Variants in FBN1 observed in about 807,000 individuals in gnomAD.
The protein encoded by FBN1 is fibrillin-1.
In FBN1, 29 loss-of-function variants were observed where a neutral mutation model predicts 365.1. That is an observed-to-expected ratio of 0.08 (90% CI 0.06 to 0.11). FBN1 has a LOEUF of 0.11. FBN1 is among the 10% of genes least tolerant of loss of function. FBN1 has a pLI of 1.00. For synonymous variants in FBN1, 1,210 were observed against 1,270.5 expected, an observed-to-expected ratio of 0.95 and a Z score of 1.01; for missense variants, 2,476 against 3,703.2, an observed-to-expected ratio of 0.67 and a Z score of 8.60.
intron 4 of FBN1, among the ~76,000 whole-genome samples, chr15:48,606,089 A>G (rs574634649): frequency 1.5e-4 from 23 of 152,320 alleles, no homozygotes; most frequent in African/African-American, 5.3e-4. Flanking sequence ...GCTGGTAAGG[A>G]TGCAGAGAAA....
At chr15:48,477,798 A>C in intron 32 of FBN1, among the ~76,000 whole-genome samples, 1 of 152,180 alleles carries the variant, frequency 6.6e-6, no homozygotes, top group East Asian at 1.9e-4. Flanking sequence ...AAGCCAAGAA[A>C]AGCAAAGAAA....
intron 6 of FBN1, among the ~76,000 whole-genome samples, chr15:48,591,575 G>C (rs986239542): frequency 6.6e-6 from 1 of 152,158 alleles, no homozygotes. Context: ...ATCAAATAGA[G>C]GAATATTCCA....
At position 48,612,992 on chromosome 15, in the gene FBN1, A is replaced by G; in HGVS notation, c.247+18T>C. 1 of 1,588,860 alleles carries G rather than the reference A, an allele frequency of 6.3e-7. No individual in the cohort carries two copies. The highest frequency in any genetic ancestry group is 8.6e-7 in the Non-Finnish European group (1 of 1,157,310). The stretch of plus-strand genomic sequence containing the variant: ...CAAAAGAAGGACATGCAGAATGACA[A>G]GTTTTCTATTTACTTACGGACAATA... On this transcript the variant is annotated intron_variant, in intron 3 of 65. Coordinates refer to ENST00000316623, the MANE Select transcript of FBN1 (RefSeq NM_000138.5).
chr15:48,632,777 G>A (rs1363292765), intron 2 of FBN1, among the ~76,000 whole-genome samples: 2 of 152,128 alleles, frequency 1.3e-5, no homozygotes, highest in Non-Finnish European at 2.9e-5. Context: ...GGGTTTTTAT[G>A]ACCAAACTGC....
intron 32 of FBN1, among the ~76,000 whole-genome samples, chr15:48,481,207 C>G (rs1305335102): frequency 6.6e-6 from 1 of 152,130 alleles, no homozygotes; most frequent in African/African-American, 2.4e-5. Context: ...CACTGGAAGA[C>G]TAGTGAGAAT....
At chr15:48,443,852 G>A (rs1177891522) in intron 49 of FBN1, among the ~76,000 whole-genome samples, 1 of 152,010 alleles carries the variant, frequency 6.6e-6, no homozygotes, top group Non-Finnish European at 1.5e-5. Flanking sequence ...GGCAACATAG[G>A]GAGGCCCCAT....
chr15:48,612,498 C>T (rs1172310275), intron 3 of FBN1, among the ~76,000 whole-genome samples: 1 of 152,170 alleles, frequency 6.6e-6, no homozygotes, highest in Non-Finnish European at 1.5e-5. Flanking sequence ...TGGAAGTTTG[C>T]CTTGCCAGCA....
At chr15:48,479,120 C>T (rs958362259) in intron 32 of FBN1, among the ~76,000 whole-genome samples, 1 of 152,272 alleles carries the variant, frequency 6.6e-6, no homozygotes, top group Non-Finnish European at 1.5e-5. Context: ...TTGCCTGGAA[C>T]ATTATTAGCA....
chr15:48,470,288 A>T (rs2043360486), intron 36 of FBN1, among the ~76,000 whole-genome samples: 1 of 152,108 alleles, frequency 6.6e-6, no homozygotes, highest in Non-Finnish European at 1.5e-5. Context: ...AAAACCCATG[A>T]TCCCGGGGCA....
intron 45 of FBN1, 54 bp from the exon 46 acceptor site, chr15:48,448,947 TAA>T: frequency 6.9e-7 from 1 of 1,444,520 alleles, no homozygotes; most frequent in South Asian, 1.2e-5. Flanking sequence ...TATAATTGAA[TAA>T]CTTACTTCTA....
At position 48,621,793 on chromosome 15, in the gene FBN1, C is replaced by T. The variant is rs947125041; in HGVS notation, c.165-8701G>A. 2.0e-4 allele frequency among the ~76,000 whole-genome samples: 30 copies of T among 151,686 alleles called. 1 individual carries two copies. On this transcript the variant is annotated intron_variant, in intron 2 of 65. Coordinates refer to ENST00000316623, the MANE Select transcript of FBN1 (RefSeq NM_000138.5). Reference sequence around the variant, plus strand: ...CACAAGGTCAGGAGATCGAGACCATCCTGCCTAACACAGTGAAACCCCGTC... The same window carrying T: ...CACAAGGTCAGGAGATCGAGACCATTCTGCCTAACACAGTGAAACCCCGTC...
intron 2 of FBN1, among the ~76,000 whole-genome samples, chr15:48,630,244 GT>G (rs896631560): frequency 6.6e-6 from 1 of 152,160 alleles, no homozygotes; most frequent in Non-Finnish European, 1.5e-5. Flanking sequence ...GGGGGAAGGG[GT>G]TTTTGTGTAT....
chr15:48,575,802 TACACAC>T lies in FBN1; in HGVS notation c.538+20475_538+20480del, dbSNP rs58125518. On this transcript the variant is annotated intron_variant, in intron 6 of 65. Coordinates refer to ENST00000316623, the MANE Select transcript of FBN1 (RefSeq NM_000138.5). ...AGGGCTGGATAAAGAAAATGTGAGA[TACACAC>T]ACACACACACACACACACACACACA... 4.6e-3 allele frequency among the ~76,000 whole-genome samples: 643 copies of T among 140,216 alleles called. 1 individual carries two copies. The highest frequency in any genetic ancestry group is 0.016 in the East Asian group (76 of 4,774). 92.0% of individuals were successfully genotyped at this position (140,216 alleles called of 152,430 possible).
At chr15:48,629,434 G>T (rs900205709) in intron 2 of FBN1, among the ~76,000 whole-genome samples, 1 of 152,070 alleles carries the variant, frequency 6.6e-6, no homozygotes, top group Non-Finnish European at 1.5e-5. Context: ...TTTGGATCCT[G>T]ATTTGAATAA....
intron 19 of FBN1, 109 bp downstream of exon 19, chr15:48,497,157 T>C (rs2043614936): frequency 3.2e-6 from 4 of 1,241,610 alleles, no homozygotes; most frequent in Non-Finnish European, 3.6e-6. Context: ...AAGTATAAAG[T>C]GTCCATTTGC....
chr15:48,421,842 A>G, intron 61 of FBN1, 110 bp downstream of exon 61: 3 of 1,189,164 alleles, frequency 2.5e-6, no homozygotes, highest in African/African-American at 1.5e-5. Flanking sequence ...ACATGCACTC[A>G]TATATTTCTT....
At chr15:48,448,293 G>C (rs1391946820) in intron 46 of FBN1, among the ~76,000 whole-genome samples, 4 of 152,110 alleles carry the variant, frequency 2.6e-5, no homozygotes, top group Non-Finnish European at 5.9e-5. Context: ...CCTGATAATA[G>C]AGAAATCAGG....
chr15:48,467,123 C>G (rs2043329919), intron 38 of FBN1, among the ~76,000 whole-genome samples: 3 of 152,214 alleles, frequency 2.0e-5, no homozygotes, highest in African/African-American at 7.2e-5. Flanking sequence ...TGTACCAACA[C>G]AGCACTGTGC....
intron 6 of FBN1, among the ~76,000 whole-genome samples, chr15:48,594,071 A>C (rs946969032): frequency 2.6e-5 from 4 of 152,204 alleles, no homozygotes; most frequent in African/African-American, 9.7e-5. Flanking sequence ...CACTCTTGAA[A>C]TCACGAACAT....
Sources: allele counts gnomAD v4.1 joint callset (sites outside exome capture counted in the v4.1 genomes callset), GRCh38; gene constraint gnomAD v4.1.1; transcripts MANE v1.5; gene names NCBI Gene and HGNC (gene_info 2026-07-23, HGNC 2026-07-21).